CYSLTR1: variants seen among roughly 807,000 people sequenced by gnomAD.
CYSLTR1 encodes G-protein coupled receptor HG55.
In CYSLTR1, 1 loss-of-function variant was observed where a neutral mutation model predicts 2.1. That is an observed-to-expected ratio of 0.48 (90% confidence interval 0.17 to 2.28). The LOEUF (loss-of-function observed/expected upper bound fraction) is 2.28. Among genes scored for constraint, CYSLTR1 ranks in the 30% most tolerant of loss-of-function variants. CYSLTR1 has a pLI of 0.26. For synonymous variants in CYSLTR1, 110 were observed against 89.6 expected, an observed-to-expected ratio of 1.23 and a Z score of -1.28; for missense variants, 299 against 250.1, an observed-to-expected ratio of 1.20 and a Z score of -1.32.
intron 1 of CYSLTR1, among the ~76,000 whole-genome samples, chrX:78,306,468 T>C (rs1046485940): frequency 1.8e-5 from 2 of 111,703 alleles, no homozygotes; most frequent in Non-Finnish European, 3.8e-5. Context: ...CCAGCCTCCA[T>C]TGAGGGTTTT....
intron 1 of CYSLTR1, among the ~76,000 whole-genome samples, chrX:78,316,090 A>G (rs913250981): frequency 8.9e-6 from 1 of 112,471 alleles, no homozygotes; most frequent in Non-Finnish European, 1.9e-5. Context: ...AAGTAAGGGA[A>G]GAGAACAAGA....
rs57314978 is a variant in CYSLTR1 at position 78,289,965 on chromosome X, T to G, written c.-114-6425A>C. On this transcript the variant is annotated intron_variant, in intron 1 of 2. Transcript: ENST00000373304. ...TCTGCTGTGCAGAAGCTCTTTAGTT[T>G]AATTAGATCCCATTTGTCAATTTTG... 7.0e-3 allele frequency among the ~76,000 whole-genome samples: 783 copies of G among 112,060 alleles called. 11 individuals are homozygous for G. Among genetic ancestry groups the G allele is most frequent in the African/African-American group, 0.023 (723 of 30,826 alleles).
At chrX:78,293,796 C>T (rs1215315716) in intron 1 of CYSLTR1, among the ~76,000 whole-genome samples, 1 of 112,085 alleles carries the variant, frequency 8.9e-6, no homozygotes, top group Non-Finnish European at 1.9e-5. Context: ...GTGCATGCAT[C>T]ATGTAGTTCA....
chrX:78,313,532 AATT>A (rs1228504516), intron 1 of CYSLTR1, among the ~76,000 whole-genome samples: 2 of 112,069 alleles, frequency 1.8e-5, no homozygotes, highest in African/African-American at 3.2e-5. Context: ...CTAAAAGTAA[AATT>A]ATGAAGAAAT....
At chrX:78,283,587 C>T (rs2149185266) in intron 1 of CYSLTR1, 47 bp from the exon 2 acceptor site, 1 of 112,089 alleles carries the variant, frequency 8.9e-6, no homozygotes, top group South Asian at 3.7e-4. Flanking sequence ...TAGAAGCAGT[C>T]CAGAAGGGTC....
intron 1 of CYSLTR1, among the ~76,000 whole-genome samples, chrX:78,302,779 G>T (rs1238540518): frequency 9.0e-6 from 1 of 110,679 alleles, no homozygotes; most frequent in South Asian, 3.9e-4. Flanking sequence ...GGCTGAGATG[G>T]TATTCAAGAT....
chrX:78,290,517 G>C (rs779842211), intron 1 of CYSLTR1, among the ~76,000 whole-genome samples: 1 of 111,861 alleles, frequency 8.9e-6, no homozygotes, highest in African/African-American at 3.3e-5. Flanking sequence ...TTGGTAGCTT[G>C]ATGATGATGG....
intron 1 of CYSLTR1, among the ~76,000 whole-genome samples, chrX:78,300,794 A>G (rs1922786934): frequency 8.9e-6 from 1 of 112,590 alleles, no homozygotes. Context: ...ATGAAATATG[A>G]TGTTTTTCTA....
At chrX:78,305,044 C>T (rs1922977049) in intron 1 of CYSLTR1, among the ~76,000 whole-genome samples, 1 of 111,466 alleles carries the variant, frequency 9.0e-6, no homozygotes, top group Non-Finnish European at 1.9e-5. Context: ...AACAGTATGG[C>T]TTCAAGATTC....
intron 1 of CYSLTR1, among the ~76,000 whole-genome samples, chrX:78,289,876 T>C (rs2147257720): frequency 8.9e-6 from 1 of 112,050 alleles, no homozygotes; most frequent in Admixed American, 9.4e-5. Flanking sequence ...CTTTGTCAGA[T>C]GGGTAGATTG....
intron 1 of CYSLTR1, among the ~76,000 whole-genome samples, chrX:78,291,761 T>C (rs1447927214): frequency 8.9e-6 from 1 of 111,820 alleles, no homozygotes; most frequent in African/African-American, 3.3e-5. Context: ...GAGGTGTTTT[T>C]AGTATTGTCT....
intron 1 of CYSLTR1, among the ~76,000 whole-genome samples, chrX:78,309,751 G>A (rs1923154026): frequency 8.9e-6 from 1 of 111,952 alleles, no homozygotes; most frequent in Admixed American, 9.5e-5. Context: ...GTTAGAGATG[G>A]AAGAGCACTT....
chrX:78,299,219 A>G (rs761499430), intron 1 of CYSLTR1, among the ~76,000 whole-genome samples: 2 of 112,101 alleles, frequency 1.8e-5, no homozygotes, highest in South Asian at 3.7e-4. Flanking sequence ...TGTTGTTTGT[A>G]TTCATATCTT....
intron 1 of CYSLTR1, among the ~76,000 whole-genome samples, chrX:78,324,244 A>AGATGTCTG (rs1273343999): frequency 8.9e-6 from 1 of 112,482 alleles, no homozygotes; most frequent in Non-Finnish European, 1.9e-5. Flanking sequence ...AATGGACCTA[A>AGATGTCTG]GATGTCTGGA....
intron 1 of CYSLTR1, among the ~76,000 whole-genome samples, chrX:78,299,511 G>A (rs1922724589): frequency 9.1e-6 from 1 of 109,589 alleles, no homozygotes; most frequent in African/African-American, 3.3e-5. Context: ...TTTTGTCTGG[G>A]AAAGTCTTTA....
chrX:78,302,756 C>T (rs1922871595), intron 1 of CYSLTR1, among the ~76,000 whole-genome samples: 1 of 110,745 alleles, frequency 9.0e-6, no homozygotes, highest in Non-Finnish European at 1.9e-5. Context: ...CTGACTGGTG[C>T]CCTATCCTCT....
At chrX:78,287,474 G>C (rs1359898714) in intron 1 of CYSLTR1, among the ~76,000 whole-genome samples, 1 of 111,433 alleles carries the variant, frequency 9.0e-6, no homozygotes, top group East Asian at 2.8e-4. Context: ...TTCTAAAATT[G>C]CATTGTGGTG....
chrX:78,305,228 C>T (rs1354026821), intron 1 of CYSLTR1, among the ~76,000 whole-genome samples: 4 of 112,286 alleles, frequency 3.6e-5, no homozygotes, highest in African/African-American at 1.3e-4. Context: ...CAAGTAAAAA[C>T]ATTTGTAACT....
At chrX:78,277,294 C>T (rs992606167) in intron 2 of CYSLTR1, among the ~76,000 whole-genome samples, 3 of 111,442 alleles carry the variant, frequency 2.7e-5, no homozygotes, top group African/African-American at 9.8e-5. Context: ...CTGGCCACAC[C>T]TGCTTGCAGC....
Sources: gnomAD v4.1 joint callset for allele counts (sites outside exome capture counted in the v4.1 genomes callset) on GRCh38, gnomAD v4.1.1 for gene constraint, MANE v1.5 for transcripts, NCBI Gene and HGNC (gene_info 2026-07-23, HGNC 2026-07-21) for gene names.